LMBR1: variants seen among roughly 807,000 people sequenced by gnomAD.
LMBR1 encodes limb development membrane protein 1.
LMBR1 carries 52 observed loss-of-function variants against 73.9 expected under a neutral mutation model. The observed-to-expected ratio is 0.70, with a 90% CI of 0.56 to 0.89. LMBR1 has a LOEUF of 0.89. Among genes scored for constraint, LMBR1 ranks in the 40% least tolerant of loss-of-function variants. The pLI is 0.00. For missense variants in LMBR1, 539 were observed against 579.8 expected, an observed-to-expected ratio of 0.93 and a Z score of 0.72; for synonymous variants, 215 against 209.4, an observed-to-expected ratio of 1.03 and a Z score of -0.23.
At chr7:156,859,308 T>A (rs1053213225) in intron 1 of LMBR1, among the ~76,000 whole-genome samples, 28 of 150,996 alleles carry the variant, frequency 1.9e-4, no homozygotes, top group African/African-American at 6.6e-4. Flanking sequence ...CAAAGATATC[T>A]CCTCTCAACA....
At chr7:156,877,786 A>T (rs1020531843) in intron 1 of LMBR1, among the ~76,000 whole-genome samples, 1 of 151,838 alleles carries the variant, frequency 6.6e-6, no homozygotes, top group Admixed American at 6.6e-5. Flanking sequence ...GGGAGGCTGA[A>T]GCAGGAGAAT....
At chr7:156,811,369 T>C (rs1833065329) in intron 4 of LMBR1, among the ~76,000 whole-genome samples, 1 of 151,786 alleles carries the variant, frequency 6.6e-6, no homozygotes, top group Non-Finnish European at 1.5e-5. Context: ...CCCAGCACTT[T>C]GGGAGGCCGA....
chr7:156,767,853 G>A lies in LMBR1; in HGVS notation c.424-4058C>T, dbSNP rs143634560. On this transcript the variant is annotated intron_variant, in intron 5 of 16. Transcript: ENST00000353442. ...TTAACTGTCTAAGACCTATCAAAAC[G>A]AAAGTGATACTAAAAAAAGTGAAAA... is the stretch of plus-strand genomic sequence containing the variant. Among the ~76,000 whole-genome samples, 22 of 151,940 alleles carry A rather than the reference G, an allele frequency of 1.4e-4. No individual in the cohort carries two copies. The East Asian group carries it at 4.0e-3, about 28-fold the overall frequency.
chr7:156,798,874 T>G (rs10273333), intron 4 of LMBR1, among the ~76,000 whole-genome samples: 1 of 151,840 alleles, frequency 6.6e-6, no homozygotes, highest in Non-Finnish European at 1.5e-5. Context: ...AAATATCTCA[T>G]AGTCTTTTTA....
chr7:156,719,606 T>C (rs1452861590), intron 15 of LMBR1, among the ~76,000 whole-genome samples: 1 of 152,140 alleles, frequency 6.6e-6, no homozygotes, highest in African/African-American at 2.4e-5. Context: ...AAAACTACTT[T>C]AAAGTTCATA....
At chr7:156,727,301 T>G (rs937951468) in intron 12 of LMBR1, among the ~76,000 whole-genome samples, 1 of 152,204 alleles carries the variant, frequency 6.6e-6, no homozygotes, top group Non-Finnish European at 1.5e-5. Context: ...CAAGTCATTC[T>G]CCACTAAGCA....
At chr7:156,830,268 G>A (rs988067418) in intron 3 of LMBR1, among the ~76,000 whole-genome samples, 2 of 151,852 alleles carry the variant, frequency 1.3e-5, no homozygotes, top group African/African-American at 2.4e-5. Context: ...TAAAATGAAA[G>A]ACCTCACCTT....
At chr7:156,817,930 G>C (rs1834183764) in intron 4 of LMBR1, among the ~76,000 whole-genome samples, 1 of 151,984 alleles carries the variant, frequency 6.6e-6, no homozygotes, top group Non-Finnish European at 1.5e-5. Context: ...CCACTGTTTG[G>C]ATCGACAAGA....
chr7:156,891,285 C>CAT (rs1254621725), intron 1 of LMBR1, among the ~76,000 whole-genome samples: 2 of 138,660 alleles, frequency 1.4e-5, no homozygotes, highest in African/African-American at 2.7e-5. Flanking sequence ...TATATATACA[C>CAT]ATATATATAT....
In LMBR1 at chr7:156,681,318, G is replaced by A. The variant is rs890610050; in HGVS notation, c.*2760C>T. On this transcript the variant is annotated 3_prime_UTR_variant, in exon 17 of 17. Coordinates refer to ENST00000353442, the MANE Select transcript of LMBR1 (RefSeq NM_022458.4). ...CTGAGAGCAAAACGCGAGAGGCTCC[G>A]TCCATCTCTACTAACCAGCACCTTA... The A allele has an allele frequency of 3.8e-5, 14 of 364,852 alleles. No homozygotes were observed. Among genetic ancestry groups the A allele is most frequent in the East Asian group, 1.6e-4 (2 of 12,368 alleles). 22.6% of individuals were successfully genotyped at this position (364,852 alleles called of 1,614,324 possible).
At chr7:156,717,762 A>G (rs750160211) in intron 15 of LMBR1, among the ~76,000 whole-genome samples, 66 of 152,226 alleles carry the variant, frequency 4.3e-4, no homozygotes, top group Non-Finnish European at 7.5e-4. Flanking sequence ...GGAAGTTAAG[A>G]GTCATCAGAA....
intron 10 of LMBR1, among the ~76,000 whole-genome samples, chr7:156,731,475 A>G (rs183479646): frequency 6.6e-6 from 1 of 152,238 alleles, no homozygotes; most frequent in Admixed American, 6.5e-5. Flanking sequence ...ATATCAGAGT[A>G]AAATTGCTAA....
chr7:156,790,566 A>T (rs946228453), intron 5 of LMBR1, among the ~76,000 whole-genome samples: 1 of 152,056 alleles, frequency 6.6e-6, no homozygotes, highest in Non-Finnish European at 1.5e-5. Context: ...AAAGATGAAC[A>T]TACTATATAG....
intron 15 of LMBR1, among the ~76,000 whole-genome samples, chr7:156,688,468 T>C (rs1585191767): frequency 6.6e-6 from 1 of 152,148 alleles, no homozygotes; most frequent in Non-Finnish European, 1.5e-5. Flanking sequence ...ACGGAACTCA[T>C]GCTGATGTTA....
In LMBR1 at chr7:156,670,961, AAGAG is replaced by A. The variant is rs1252135723; in HGVS notation, n.867-1678_867-1675del. On this transcript the variant is annotated intron_variant and non_coding_transcript_variant, in intron 4 of 4. Coordinates refer to the LMBR1 transcript ENST00000430825. The surrounding 1 kb of genome is among the most constrained non-coding windows in gnomAD (Gnocchi z 4.3). ...CAAGAAAACTCATGTCTCAGGTTAAAAGAGAGAGAGAGCTTATGACAAAAATAAC... is the reference window on the plus strand; with the variant it reads ...CAAGAAAACTCATGTCTCAGGTTAAAAGAGAGAGCTTATGACAAAAATAAC... Among the ~76,000 whole-genome samples the A allele has an allele frequency of 6.6e-6, 1 of 152,156 alleles. No homozygotes were observed. The highest frequency in any genetic ancestry group is 1.5e-5 in the Non-Finnish European group (1 of 68,018).
At chr7:156,799,761 C>T (rs1458700809) in intron 4 of LMBR1, among the ~76,000 whole-genome samples, 1 of 152,190 alleles carries the variant, frequency 6.6e-6, no homozygotes, top group Admixed American at 6.6e-5. Context: ...GCCTCTTATG[C>T]CAGTTAGCCA....
intron 15 of LMBR1, among the ~76,000 whole-genome samples, chr7:156,717,701 A>G (rs1813524876): frequency 6.6e-6 from 1 of 152,228 alleles, no homozygotes; most frequent in African/African-American, 2.4e-5. Flanking sequence ...GATCTGATAA[A>G]GGAAATTATT....
chr7:156,817,953 C>T (rs1159072765), intron 4 of LMBR1, among the ~76,000 whole-genome samples: 2 of 152,232 alleles, frequency 1.3e-5, no homozygotes, highest in East Asian at 1.9e-4. Flanking sequence ...TGATTAATTT[C>T]CTATCCCAAA....
chr7:156,784,635 T>C (rs1827753422), intron 5 of LMBR1, among the ~76,000 whole-genome samples: 1 of 152,130 alleles, frequency 6.6e-6, no homozygotes, highest in Non-Finnish European at 1.5e-5. Context: ...CAATCAAAAA[T>C]CCTAAAATCA....
Sources: allele counts gnomAD v4.1 joint callset (sites outside exome capture counted in the v4.1 genomes callset), GRCh38; gene constraint gnomAD v4.1.1; non-coding constraint Gnocchi (gnomAD v3.1); transcripts MANE v1.5; gene names NCBI Gene and HGNC (gene_info 2026-07-23, HGNC 2026-07-21).